The following CAST variants were observed in gnomAD, a reference collection of about 807,000 sequenced individuals.
CAST encodes the protein MIR583 host.
A neutral mutation model predicts 119.6 loss-of-function variants in CAST; 76 were observed. The ratio of observed to expected loss-of-function variants is 0.64; its 90% confidence interval spans 0.53 to 0.77. CAST has a LOEUF of 0.77. Ranked by LOEUF, CAST falls within the 30% of genes least tolerant of loss-of-function variation. The pLI, the probability that CAST is intolerant of heterozygous loss-of-function variation, is 0.00. For missense variants in CAST, 953 were observed against 946.5 expected (o/e 1.01, Z -0.09); for synonymous variants, 319 against 331.6 (o/e 0.96, Z 0.41).
the CAST span, chr5:95,961,990 G>A: frequency 7.1e-6 from 3 of 423,402 alleles, no homozygotes; most frequent in Non-Finnish European, 8.3e-6. Flanking sequence ...CACGGGGGCG[G>A]GCCCAAAGTC....
At chr5:96,320,088 C>G in the CAST span, among the ~76,000 whole-genome samples, 1 of 151,854 alleles carries the variant, frequency 6.6e-6, no homozygotes, top group Non-Finnish European at 1.5e-5. Flanking sequence ...ACAAATGTTT[C>G]TGGAGCCTTC....
intron 1 of CAST, among the ~76,000 whole-genome samples, chr5:96,561,786 G>GGTTTTTTTGTTTTTTT (rs1189100090): frequency 9.5e-6 from 1 of 105,432 alleles, no homozygotes; most frequent in South Asian, 3.6e-4. Flanking sequence ...TTATATATAT[G>GGTTTTTTTGTTTTTTT]TTTTTTTTTG....
chr5:96,620,206 G>T (rs759953163), intron 1 of CAST, among the ~76,000 whole-genome samples: 1 of 151,836 alleles, frequency 6.6e-6, no homozygotes, highest in Non-Finnish European at 1.5e-5. Context: ...ACAATCATAT[G>T]CCCCAAATCC....
At chr5:96,717,311 C>T (rs1757355638) in intron 3 of CAST, among the ~76,000 whole-genome samples, 1 of 152,122 alleles carries the variant, frequency 6.6e-6, no homozygotes, top group Admixed American at 6.5e-5. Flanking sequence ...AAAGCAGATG[C>T]AAATAGTGTA....
chr5:96,539,361 T>G (rs148894884), intron 1 of CAST, among the ~76,000 whole-genome samples: 1 of 152,350 alleles, frequency 6.6e-6, no homozygotes, highest in East Asian at 1.9e-4. Flanking sequence ...TCTTCTTAGT[T>G]AATTGACATT....
At chr5:96,619,591 G>A (rs902424967) in intron 1 of CAST, among the ~76,000 whole-genome samples, 1 of 152,136 alleles carries the variant, frequency 6.6e-6, no homozygotes, top group Non-Finnish European at 1.5e-5. Flanking sequence ...CACTGTTTGG[G>A]TCTGCGCTTC....
At chr5:96,031,140 C>T in the CAST span, among the ~76,000 whole-genome samples, 1 of 151,080 alleles carries the variant, frequency 6.6e-6, no homozygotes, top group Non-Finnish European at 1.5e-5. Context: ...TTAATTACTT[C>T]CTTGGAAATA....
At chr5:96,196,088 G>A in the CAST span, among the ~76,000 whole-genome samples, 1 of 152,084 alleles carries the variant, frequency 6.6e-6, no homozygotes, top group African/African-American at 2.4e-5. Flanking sequence ...TCTCTATTAA[G>A]TTTCTATCCC....
the CAST span, among the ~76,000 whole-genome samples, chr5:96,232,536 T>C: frequency 1.3e-5 from 2 of 152,064 alleles, no homozygotes; most frequent in African/African-American, 4.8e-5. Context: ...GAATTTATGG[T>C]GTTCAGCAAG....
At chr5:96,389,042 T>A in the CAST span, among the ~76,000 whole-genome samples, 1 of 151,058 alleles carries the variant, frequency 6.6e-6, no homozygotes, top group Non-Finnish European at 1.5e-5. Flanking sequence ...GTGGAATTTT[T>A]AAAAAGTCAA....
the CAST span, among the ~76,000 whole-genome samples, chr5:96,012,737 T>C: frequency 6.6e-6 from 1 of 152,216 alleles, no homozygotes; most frequent in Non-Finnish European, 1.5e-5. Flanking sequence ...CCTCCCCAAA[T>C]TTATACTTTT....
At chr5:96,195,799 A>C in the CAST span, among the ~76,000 whole-genome samples, 2 of 152,198 alleles carry the variant, frequency 1.3e-5, no homozygotes, top group Non-Finnish European at 2.9e-5. Flanking sequence ...TTTTATTTAC[A>C]AGATCAGCAA....
At chr5:96,544,849 A>G (rs4869143) in intron 1 of CAST, among the ~76,000 whole-genome samples, 92,150 of 150,314 alleles carry the variant, frequency 0.61, 28,586 homozygotes, top group East Asian at 0.86. Flanking sequence ...ACACAACTAT[A>G]TTTCCCACAA....
At chr5:96,247,874 T>C in the CAST span, 2 of 152,268 alleles carry the variant, frequency 1.3e-5, no homozygotes, top group Non-Finnish European at 2.9e-5. Context: ...CCCTTCTGGC[T>C]GCTTTCCCAG....
intron 1 of CAST, among the ~76,000 whole-genome samples, chr5:96,559,224 G>A (rs263394): frequency 0.34 from 51,084 of 151,466 alleles, 9,269 homozygotes; most frequent in Middle Eastern, 0.46. Context: ...AATAAGAGCT[G>A]TCTATGACAA....
chr5:96,183,091 A>G, the CAST span, among the ~76,000 whole-genome samples: 2 of 151,692 alleles, frequency 1.3e-5, no homozygotes, highest in African/African-American at 4.8e-5. Flanking sequence ...GTGAGCCGAG[A>G]TCGCGCGCCA....
the CAST span, among the ~76,000 whole-genome samples, chr5:96,194,366 T>C: frequency 6.6e-6 from 1 of 152,322 alleles, no homozygotes; most frequent in South Asian, 2.1e-4. Context: ...ATCTGCATGT[T>C]CTTAAAACAG....
At chr5:96,134,101 CAATT>C in the CAST span, among the ~76,000 whole-genome samples, 48 of 152,188 alleles carry the variant, frequency 3.2e-4, no homozygotes, top group African/African-American at 7.2e-5. Context: ...TAGTTGGTAA[CAATT>C]AATCACAAAT....
chr5:96,760,510 C>A lies in CAST; in HGVS notation c.1834-1764C>A, dbSNP rs200105909. Among the ~76,000 whole-genome samples, 6 of 151,916 alleles carry A rather than the reference C, an allele frequency of 3.9e-5. No homozygotes were observed. In the East Asian group the frequency reaches 1.2e-3, roughly 29 times the overall value. ...GCAGAAACTATGAAAAGTTTATTGT[C>A]ATTTCTGCTTATTATCACATGGAAG... On this transcript the variant is annotated intron_variant, in intron 24 of 31. Coordinates refer to ENST00000675179, the MANE Select transcript of CAST (RefSeq NM_001750.7).
Sources: allele counts gnomAD v4.1 joint callset (sites outside exome capture counted in the v4.1 genomes callset), GRCh38; gene constraint gnomAD v4.1.1; transcripts MANE v1.5; gene names NCBI Gene and HGNC (gene_info 2026-07-23, HGNC 2026-07-21).